The following BPNT1 variants were observed in gnomAD, a reference collection of about 807,000 sequenced individuals.
The protein encoded by BPNT1 is 3'(2'),5'-bisphosphate nucleotidase 1.
BPNT1 carries 28 observed loss-of-function variants against 36.9 expected under a neutral mutation model. The ratio of observed to expected loss-of-function variants is 0.76; its 90% CI spans 0.56 to 1.04. The LOEUF is 1.04. Ranked by LOEUF, BPNT1 falls within the 50% of genes least tolerant of loss-of-function variation. BPNT1 has a pLI of 0.00. For synonymous variants in BPNT1, 119 were observed against 130.9 expected (o/e 0.91, Z 0.62); for missense variants, 313 against 372.9 (o/e 0.84, Z 1.32).
Position 220,079,917 on chromosome 1 carries a change from T to C in BPNT1, c.-8-63A>G. On this transcript the variant is annotated intron_variant, in intron 1 of 8. Coordinates refer to ENST00000322067, the MANE Select transcript of BPNT1 (RefSeq NM_006085.6). ...AAGCCAACTACTGGTTTTATTTATT[T>C]AAATCCAACTCAACACATATTAATT... 5 of 1,516,010 alleles carry C rather than the reference T, an allele frequency of 3.3e-6. No homozygotes were observed. In the South Asian group the frequency reaches 6.1e-5, roughly 18 times the overall value. The allele number at this position is 1,516,010 out of a possible 1,614,324, so 93.9% of individuals were successfully genotyped here. A position where few individuals can be genotyped will look rare whatever the true frequency, so the allele number is the denominator to read the frequency against.
Position 220,074,183 on chromosome 1 carries a change from A to G in BPNT1, c.121-112T>C. On this transcript the variant is annotated intron_variant, in intron 2 of 8. Transcript: ENST00000322067. ...GATTACACTGTCAGTTTTTAGAGTC[A>G]TAGAACTTAACACCAAATGAGTTAA... 4 of 914,614 alleles carry G rather than the reference A, an allele frequency of 4.4e-6. No individual in the cohort carries two copies. In the South Asian group the frequency reaches 5.2e-5, roughly 12 times the overall value. 56.7% of individuals were successfully genotyped at this position (914,614 alleles called of 1,614,324 possible). A position where few individuals can be genotyped will look rare whatever the true frequency, so the allele number is the denominator to read the frequency against.
At chr1:220,076,308 G>T (rs1375606620) in intron 2 of BPNT1, among the ~76,000 whole-genome samples, 1 of 151,932 alleles carries the variant, frequency 6.6e-6, no homozygotes, top group African/African-American at 2.4e-5. Context: ...GAGACCATCT[G>T]GCTAACATGG....
chr1:220,078,800 G>T (rs895325586), intron 2 of BPNT1, among the ~76,000 whole-genome samples: 1 of 151,818 alleles, frequency 6.6e-6, no homozygotes, highest in African/African-American at 2.4e-5. Context: ...GTTTCATCAT[G>T]TTGGTCAGAC....
Position 220,057,711 on chromosome 1 carries a change from G to A in BPNT1, c.*1133C>T. 2.0e-6 allele frequency: 1 copy of A among 488,776 alleles called. No individual in the cohort carries two copies. The highest frequency in any genetic ancestry group is 3.6e-6 in the Non-Finnish European group (1 of 281,566). The allele number at this position is 488,776 out of a possible 1,614,324, so 30.3% of individuals were successfully genotyped here. A position where few individuals can be genotyped will look rare whatever the true frequency, so the allele number is the denominator to read the frequency against. ...TTTTCAAACACTTTTTTAAAAAGCTGGTGAATAACAAAGAGCTAGGATTAA... is the reference window on the plus strand; with the variant it reads ...TTTTCAAACACTTTTTTAAAAAGCTAGTGAATAACAAAGAGCTAGGATTAA... On this transcript the variant is annotated 3_prime_UTR_variant, in exon 9 of 9. Coordinates refer to ENST00000322067, the MANE Select transcript of BPNT1 (RefSeq NM_006085.6).
Position 220,058,170 on chromosome 1 carries a change from C to T in BPNT1, c.*674G>A, listed in dbSNP as rs1422734175. On this transcript the variant is annotated 3_prime_UTR_variant, in exon 9 of 9. Transcript: ENST00000322067. ...TAGCCTAGGCTACAGAGCGAGACTCCGTCTCAGGAAAAAAAAAGAGAAATC... is the reference window on the plus strand; with the variant it reads ...TAGCCTAGGCTACAGAGCGAGACTCTGTCTCAGGAAAAAAAAAGAGAAATC... 22 of 979,832 alleles carry T rather than the reference C, an allele frequency of 2.2e-5. No homozygotes were observed. Among genetic ancestry groups the T allele is most frequent in the African/African-American group, 3.5e-5 (2 of 57,116 alleles). The allele number at this position is 979,832 out of a possible 1,614,324, so 60.7% of individuals were successfully genotyped here.
chr1:220,059,243 C>CTTTTTTTTTTTTTTTTTTT (rs11292010), intron 8 of BPNT1, among the ~76,000 whole-genome samples: 3 of 57,856 alleles, frequency 5.2e-5, no homozygotes, highest in East Asian at 4.5e-4. Context: ...ATTTTCTTTT[C>CTTTTTTTTTTTTTTTTTTT]TTTTTTTTTT....
At chr1:220,089,101 G>GA (rs764942826) in intron 1 of BPNT1, among the ~76,000 whole-genome samples, 3,007 of 38,770 alleles carry the variant, frequency 0.078, 273 homozygotes, top group Middle Eastern at 0.1. Flanking sequence ...ACTCCGTCTC[G>GA]AAAAAAAAAA....
intron 1 of BPNT1, among the ~76,000 whole-genome samples, chr1:220,082,383 G>T (rs897625058): frequency 6.6e-6 from 1 of 151,498 alleles, no homozygotes; most frequent in African/African-American, 2.4e-5. Flanking sequence ...GTTTCACCAT[G>T]TTGGCCAGGC....
At chr1:220,085,720 G>GTA (rs1243531877) in intron 1 of BPNT1, among the ~76,000 whole-genome samples, 1 of 152,180 alleles carries the variant, frequency 6.6e-6, no homozygotes, top group African/African-American at 2.4e-5. Flanking sequence ...CTCAATCAGA[G>GTA]TATAGTTCAG....
chr1:220,088,478 CAAAAAAAA>C lies in BPNT1; in HGVS notation c.-9+1200_-9+1207del, dbSNP rs58383315. 3.3e-3 allele frequency among the ~76,000 whole-genome samples: 217 copies of C among 65,532 alleles called. 3 individuals are homozygous for C. Among genetic ancestry groups the C allele is most frequent in the Non-Finnish European group, 3.1e-3 (106 of 34,182 alleles). 43.0% of individuals were successfully genotyped at this position (65,532 alleles called of 152,430 possible). On this transcript the variant is annotated intron_variant, in intron 1 of 8. Transcript: ENST00000322067. ...AGCCTGGGCGACAGAGACTCCGACT[CAAAAAAAA>C]AAAAAAAAAAAAAAATTGTCGCTGA...
At chr1:220,071,172 AT>A (rs1664031622) in intron 4 of BPNT1, among the ~76,000 whole-genome samples, 1 of 151,764 alleles carries the variant, frequency 6.6e-6, no homozygotes, top group African/African-American at 2.4e-5. Context: ...ACCATGTCTC[AT>A]TTTCTTTGTT....
At chr1:220,059,862 G>A in intron 7 of BPNT1, 71 bp from the exon 8 acceptor site, 2 of 1,183,282 alleles carry the variant, frequency 1.7e-6, no homozygotes, top group Non-Finnish European at 2.4e-6. Context: ...AAAGATTGAG[G>A]TACAGATAAG....
At chr1:220,066,441 C>A (rs1663540082) in intron 6 of BPNT1, among the ~76,000 whole-genome samples, 1 of 152,074 alleles carries the variant, frequency 6.6e-6, no homozygotes, top group Admixed American at 6.6e-5. Flanking sequence ...AATTTATAAT[C>A]ATACAAACAG....
At chr1:220,080,592 C>A (rs1448793818) in intron 1 of BPNT1, among the ~76,000 whole-genome samples, 1 of 152,120 alleles carries the variant, frequency 6.6e-6, no homozygotes, top group African/African-American at 2.4e-5. Flanking sequence ...CCAAGCGAAG[C>A]GGGAGAGTCC....
At chr1:220,076,957 T>A (rs544097005) in intron 2 of BPNT1, among the ~76,000 whole-genome samples, 2 of 152,202 alleles carry the variant, frequency 1.3e-5, no homozygotes, top group Admixed American at 1.3e-4. Context: ...ATCAAATGCA[T>A]GAACTAGCCC....
chr1:220,058,528 G>GTTT lies in BPNT1; in HGVS notation c.*313_*315dup. ...AAATGAAACTTTAAGTACTTTTTGG[G>GTTT]TTTTTGTTTTTTTTTTTTCTGAGAC... On this transcript the variant is annotated 3_prime_UTR_variant, in exon 9 of 9. Transcript: ENST00000322067. 1 of 994,624 alleles carries GTTT rather than the reference G, an allele frequency of 1.0e-6. No homozygotes were observed. The highest frequency in any genetic ancestry group is 1.2e-6 in the Non-Finnish European group (1 of 830,678). The allele number at this position is 994,624 out of a possible 1,614,324, so 61.6% of individuals were successfully genotyped here. A position where few individuals can be genotyped will look rare whatever the true frequency, so the allele number is the denominator to read the frequency against.
chr1:220,058,571 A>C lies in BPNT1; in HGVS notation c.*273T>G, dbSNP rs1166224482. ...TCTGAGACAGGGCTTAACTCCTGTC[A>C]CTCAGGCTGGAGTGCAGTGGCACGA... On this transcript the variant is annotated 3_prime_UTR_variant, in exon 9 of 9. Transcript: ENST00000322067. 1 of 914,032 alleles carries C rather than the reference A, an allele frequency of 1.1e-6. No individual in the cohort carries two copies. Among genetic ancestry groups the C allele is most frequent in the Non-Finnish European group, 1.3e-6 (1 of 743,856 alleles). The allele number at this position is 914,032 out of a possible 1,614,324, so 56.6% of individuals were successfully genotyped here.
Position 220,059,759 on chromosome 1 carries a change from A to T in BPNT1, c.705T>A (p.Ala235=). Residue 235 remains alanine, a synonymous_variant, in exon 8 of 9, where the codon GCT becomes GCA. Transcript: ENST00000322067. The stretch of plus-strand genomic sequence containing the variant: ...TACAACCAGGACTTGCAAATACATA[A>T]GCAGAGGCTTTGCCTTCAATCAGCT... ...IIQLIEGKAS[A]YVFASPGCKK... The T allele has an allele frequency of 2.5e-6, 4 of 1,610,028 alleles. No individual in the cohort carries two copies. Among genetic ancestry groups the T allele is most frequent in the Non-Finnish European group, 3.4e-6 (4 of 1,178,718 alleles).
At chr1:220,060,080 A>AACAT (rs1392646905) in intron 7 of BPNT1, among the ~76,000 whole-genome samples, 3 of 152,240 alleles carry the variant, frequency 2.0e-5, no homozygotes, top group Non-Finnish European at 4.4e-5. Flanking sequence ...TACATAAAGT[A>AACAT]ACATGTTCCT....
Sources: gnomAD v4.1 joint callset for allele counts (sites outside exome capture counted in the v4.1 genomes callset) on GRCh38, gnomAD v4.1.1 for gene constraint, MANE v1.5 for transcripts, NCBI Gene and HGNC (gene_info 2026-07-23, HGNC 2026-07-21) for gene names.